Variants in DACH2 observed in about 807,000 individuals in gnomAD.
DACH2 encodes the protein dachshund family transcription factor 2.
Under a neutral mutation model 35.8 loss-of-function variants are expected in DACH2, and 17 were observed. That is an observed-to-expected ratio of 0.48 (90% confidence interval 0.33 to 0.71). DACH2 has a LOEUF of 0.71. DACH2 is among the 30% of genes least tolerant of loss of function. The pLI, the probability that DACH2 is intolerant of heterozygous loss-of-function variation, is 0.02. For missense variants in DACH2, 469 were observed against 472.7 expected (o/e 0.99, Z 0.07); for synonymous variants, 195 against 177.3 (o/e 1.10, Z -0.79).
chrX:86,279,610 T>C (rs932997826), intron 1 of DACH2, among the ~76,000 whole-genome samples: 1 of 110,679 alleles, frequency 9.0e-6, no homozygotes, highest in Non-Finnish European at 1.9e-5. Context: ...AAAGCCTTTC[T>C]CCTACAAAGG....
intron 7 of DACH2, among the ~76,000 whole-genome samples, chrX:86,771,067 T>C (rs1239226982): frequency 1.8e-5 from 2 of 113,293 alleles, no homozygotes; most frequent in Non-Finnish European, 3.7e-5. Flanking sequence ...CATATGAGTA[T>C]CACAGAAATC....
At chrX:86,789,175 G>C (rs755744177) in intron 7 of DACH2, among the ~76,000 whole-genome samples, 67 of 111,891 alleles carry the variant, frequency 6.0e-4, no homozygotes, top group Non-Finnish European at 1.1e-3. Flanking sequence ...TATTACAAAT[G>C]GTTAAATTGT....
rs1253544145 is a variant in DACH2 at position 86,559,604 on chromosome X, C to T, written c.640+45213C>T. 1.6e-3 allele frequency among the ~76,000 whole-genome samples: 76 copies of T among 48,098 alleles called. 1 individual carries two copies. The South Asian group carries it at 0.033, about 21-fold the overall frequency. The allele number at this position is 48,098 out of a possible 115,157, so 41.8% of individuals were successfully genotyped here. On this transcript the variant is annotated intron_variant, in intron 3 of 11. Coordinates refer to ENST00000373125, the MANE Select transcript of DACH2 (RefSeq NM_053281.3). ...CTCTTTGTAGGTCACTCAGGACTTG[C>T]TTTATGAATCTGGGTGCTCTTGTAT...
chrX:86,585,121 T>A (rs985372323), intron 3 of DACH2, among the ~76,000 whole-genome samples: 1 of 110,691 alleles, frequency 9.0e-6, no homozygotes, highest in East Asian at 2.8e-4. Flanking sequence ...TACGCATGCA[T>A]GTGTCTTTTT....
intron 6 of DACH2, among the ~76,000 whole-genome samples, chrX:86,727,601 G>A (rs757142311): frequency 3.8e-4 from 42 of 110,830 alleles, no homozygotes; most frequent in East Asian, 3.2e-3. Flanking sequence ...ATGGCTTGGG[G>A]CATCTCTGTG....
intron 4 of DACH2, among the ~76,000 whole-genome samples, chrX:86,651,663 G>T (rs2040479782): frequency 8.9e-6 from 1 of 111,920 alleles, no homozygotes; most frequent in Non-Finnish European, 1.9e-5. Context: ...AGCCAAAGAA[G>T]AAAAGATGGA....
intron 3 of DACH2, among the ~76,000 whole-genome samples, chrX:86,542,966 TC>T (rs2038906646): frequency 8.9e-6 from 1 of 112,227 alleles, no homozygotes; most frequent in South Asian, 3.7e-4. Context: ...CCCGACCTAG[TC>T]TGGAGGGCCA....
In DACH2 at chrX:86,541,762, T is replaced by C. The variant is rs191546070; in HGVS notation, c.640+27371T>C. ...TGATCTTAACAACAACTATATGAGA[T>C]AGGTACTCTTATTACTCTGATTTTG... On this transcript the variant is annotated intron_variant, in intron 3 of 11. Coordinates refer to ENST00000373125, the MANE Select transcript of DACH2 (RefSeq NM_053281.3). Among the ~76,000 whole-genome samples, 53 of 111,573 alleles carry C rather than the reference T, an allele frequency of 4.8e-4. 1 individual carries two copies. In the East Asian group the frequency reaches 0.013, roughly 27 times the overall value.
At chrX:86,359,103 GTGTGTGTGTGTT>G (rs1181794679) in intron 1 of DACH2, among the ~76,000 whole-genome samples, 3 of 108,782 alleles carry the variant, frequency 2.8e-5, no homozygotes, top group African/African-American at 1.0e-4. Flanking sequence ...GTGTGTGTGT[GTGTGTGTGTGTT>G]TGTGTGTGCA....
At chrX:86,771,675 C>T (rs1037367093) in intron 7 of DACH2, among the ~76,000 whole-genome samples, 1 of 111,568 alleles carries the variant, frequency 9.0e-6, no homozygotes, top group Non-Finnish European at 1.9e-5. Flanking sequence ...ACTTGAAACC[C>T]AAGTTTTCTC....
chrX:86,183,432 T>A (rs1250082828), intron 1 of DACH2, among the ~76,000 whole-genome samples: 1 of 112,313 alleles, frequency 8.9e-6, no homozygotes, highest in Non-Finnish European at 1.9e-5. Flanking sequence ...ACTAAGATAA[T>A]CATGTGGTTT....
At chrX:86,284,326 TC>T (rs2034100407) in intron 1 of DACH2, among the ~76,000 whole-genome samples, 1 of 111,967 alleles carries the variant, frequency 8.9e-6, no homozygotes, top group African/African-American at 3.2e-5. Flanking sequence ...AAATGCCTTT[TC>T]AGCATCAATT....
chrX:86,255,336 T>C (rs2033496766), intron 1 of DACH2, among the ~76,000 whole-genome samples: 1 of 111,924 alleles, frequency 8.9e-6, no homozygotes, highest in Admixed American at 9.6e-5. Context: ...ATTATGGTAA[T>C]AGTTCTATAT....
At chrX:86,681,827 A>G (rs2040885627) in intron 4 of DACH2, among the ~76,000 whole-genome samples, 1 of 109,019 alleles carries the variant, frequency 9.2e-6, no homozygotes, top group Admixed American at 9.9e-5. Flanking sequence ...CACTTAAATC[A>G]TTGTTTTCAA....
intron 2 of DACH2, among the ~76,000 whole-genome samples, chrX:86,461,584 A>G (rs1001566261): frequency 9.0e-6 from 1 of 111,081 alleles, no homozygotes; most frequent in Non-Finnish European, 1.9e-5. Context: ...GCTAAACTAC[A>G]CCTTCTTTAC....
At chrX:86,572,490 A>G (rs1236815083) in intron 3 of DACH2, among the ~76,000 whole-genome samples, 5 of 111,925 alleles carry the variant, frequency 4.5e-5, no homozygotes, top group African/African-American at 1.6e-4. Context: ...TAGGAATAAC[A>G]GCAGTTTCAC....
intron 11 of DACH2, among the ~76,000 whole-genome samples, chrX:86,823,672 A>G (rs1344201367): frequency 2.7e-5 from 3 of 111,922 alleles, no homozygotes; most frequent in Admixed American, 9.5e-5. Flanking sequence ...TCTATTTTCC[A>G]TAAGTGTCGG....
chrX:86,231,201 T>C (rs1009055393), intron 1 of DACH2, among the ~76,000 whole-genome samples: 3 of 112,184 alleles, frequency 2.7e-5, no homozygotes, highest in African/African-American at 9.7e-5. Flanking sequence ...TCATTCAAAC[T>C]GAGGGTTCTT....
intron 1 of DACH2, among the ~76,000 whole-genome samples, chrX:86,369,514 T>A (rs1315887861): frequency 9.1e-6 from 1 of 110,419 alleles, no homozygotes; most frequent in Non-Finnish European, 1.9e-5. Context: ...TTGATTGTCT[T>A]CATCTGCAGC....
Sources: allele counts gnomAD v4.1 joint callset (sites outside exome capture counted in the v4.1 genomes callset), GRCh38; gene constraint gnomAD v4.1.1; transcripts MANE v1.5; gene names NCBI Gene and HGNC (gene_info 2026-07-23, HGNC 2026-07-21).